ABI2: variants seen among roughly 807,000 people sequenced by gnomAD.
ABI2 encodes abl interactor 2.
Under a neutral mutation model 59.2 loss-of-function variants are expected in ABI2, and 25 were observed. The ratio of observed to expected loss-of-function variants is 0.42; its 90% CI spans 0.31 to 0.59. The LOEUF (loss-of-function observed/expected upper bound fraction) is 0.59. Among genes scored for constraint, ABI2 ranks in the 20% least tolerant of loss-of-function variants. The pLI is 0.14. For synonymous variants in ABI2, 213 were observed against 235.5 expected, an observed-to-expected ratio of 0.90 and a Z score of 0.87; for missense variants, 545 against 681.8, an observed-to-expected ratio of 0.80 and a Z score of 2.23.
At chr2:203,395,448 T>TAC (rs59156204) in intron 6 of ABI2, among the ~76,000 whole-genome samples, 10,818 of 115,270 alleles carry the variant, frequency 0.094, 814 homozygotes, top group East Asian at 0.43. Flanking sequence ...TATATATATA[T>TAC]ACACACACAC....
At chr2:203,422,165 G>T (rs961504863) in intron 11 of ABI2, among the ~76,000 whole-genome samples, 49 of 152,230 alleles carry the variant, frequency 3.2e-4, no homozygotes, top group African/African-American at 1.1e-3. Context: ...AGACATGGTG[G>T]TGCATGCCTG....
At chr2:203,340,606 C>T (rs1196527816) in intron 1 of ABI2, among the ~76,000 whole-genome samples, 1 of 152,116 alleles carries the variant, frequency 6.6e-6, no homozygotes, top group African/African-American at 2.4e-5. Context: ...CATCCACCCA[C>T]CTTGGCCTCC....
At position 203,381,376 on chromosome 2, in the gene ABI2, A is replaced by G. The variant is rs890617559; in HGVS notation, c.463-813A>G. ...GCTCCAACCTTGTACTCCTGGGCTCAGGTGATCTTCCCTTGTCAGCTTCCC... is the reference window on the plus strand; with the variant it reads ...GCTCCAACCTTGTACTCCTGGGCTCGGGTGATCTTCCCTTGTCAGCTTCCC... On this transcript the variant is annotated intron_variant, in intron 3 of 11. Coordinates refer to ENST00000261018, the MANE Select transcript of ABI2 (RefSeq NM_001375670.1). Among the ~76,000 whole-genome samples the G allele has an allele frequency of 7.2e-5, 11 of 152,174 alleles. 1 individual carries two copies. The highest frequency in any genetic ancestry group is 4.4e-5 in the Non-Finnish European group (3 of 68,028).
chr2:203,412,578 G>GT lies in ABI2; in HGVS notation c.1279+1211dup, dbSNP rs1204012274. 2.0e-5 allele frequency among the ~76,000 whole-genome samples: 3 copies of GT among 151,646 alleles called. No homozygotes were observed. In the East Asian group the frequency reaches 5.8e-4, roughly 29 times the overall value. ...TTACCACACCGTGACTTCATAAGAT[G>GT]TTTTGTTGAGTTTAAGAGCTATTTT... On this transcript the variant is annotated intron_variant, in intron 10 of 11. Coordinates refer to ENST00000261018, the MANE Select transcript of ABI2 (RefSeq NM_001375670.1).
At chr2:203,381,248 G>A (rs2096105828) in intron 3 of ABI2, among the ~76,000 whole-genome samples, 1 of 152,128 alleles carries the variant, frequency 6.6e-6, no homozygotes, top group Non-Finnish European at 1.5e-5. Context: ...TCAGGGTTTT[G>A]ATGCAAGCAC....
At chr2:203,338,979 T>TAA (rs1182721838) in intron 1 of ABI2, among the ~76,000 whole-genome samples, 12 of 11,612 alleles carry the variant, frequency 1.0e-3, no homozygotes, top group African/African-American at 2.9e-3. Context: ...TATATATATA[T>TAA]ATAAATATAT....
intron 2 of ABI2, chr2:203,375,947 A>G: frequency 1.3e-6 from 1 of 774,366 alleles, no homozygotes; most frequent in South Asian, 1.9e-5. Context: ...ACTGCAGTTC[A>G]ACCCCGTGTG....
At chr2:203,395,533 T>G (rs2096950320) in intron 6 of ABI2, 123 bp from the exon 7 acceptor site, 2 of 1,083,782 alleles carry the variant, frequency 1.8e-6, no homozygotes, top group Admixed American at 6.3e-5. Context: ...AATTTTATTT[T>G]GAAGTGGTAC....
In ABI2 at chr2:203,429,731, T is replaced by TG. The variant is rs1423950421; in HGVS notation, c.*2381dup. On this transcript the variant is annotated 3_prime_UTR_variant, in exon 12 of 12. Coordinates refer to ENST00000261018, the MANE Select transcript of ABI2 (RefSeq NM_001375670.1). Reference sequence around the variant, plus strand: ...GAGATTGTGCCACTGCACTCCAGCCTGGTGACAGAGCGAGACTCCATCAAA... The same window carrying TG: ...GAGATTGTGCCACTGCACTCCAGCCTGGGTGACAGAGCGAGACTCCATCAAA... 1 of 140,420 alleles carries TG rather than the reference T, an allele frequency of 7.1e-6. No individual in the cohort carries two copies. The highest frequency in any genetic ancestry group is 7.6e-5 in the Admixed American group (1 of 13,084). The allele number at this position is 140,420 out of a possible 1,614,324, so 8.7% of individuals were successfully genotyped here. A position where few individuals can be genotyped will look rare whatever the true frequency, so the allele number is the denominator to read the frequency against.
At chr2:203,421,290 G>C (rs2098194232) in intron 11 of ABI2, among the ~76,000 whole-genome samples, 2 of 152,268 alleles carry the variant, frequency 1.3e-5, no homozygotes, top group Non-Finnish European at 2.9e-5. Context: ...ACATAAATAA[G>C]CAGATACAAA....
chr2:203,348,045 A>T (rs187828384), intron 1 of ABI2, among the ~76,000 whole-genome samples: 11 of 151,904 alleles, frequency 7.2e-5, no homozygotes, highest in South Asian at 2.1e-4. Flanking sequence ...GTTCGAGACC[A>T]TCTTGGCCAA....
chr2:203,406,893 C>A (rs1233238009), intron 9 of ABI2, among the ~76,000 whole-genome samples: 4 of 152,016 alleles, frequency 2.6e-5, no homozygotes, highest in Non-Finnish European at 2.9e-5. Flanking sequence ...CGACTCCTGA[C>A]CTCAAGTGAT....
At chr2:203,339,823 C>T (rs1035311441) in intron 1 of ABI2, among the ~76,000 whole-genome samples, 2 of 152,112 alleles carry the variant, frequency 1.3e-5, no homozygotes, top group Non-Finnish European at 2.9e-5. Flanking sequence ...CACAGTTCTC[C>T]TTCAGTCTAC....
chr2:203,349,174 TCAAA>T (rs879442086), intron 1 of ABI2, among the ~76,000 whole-genome samples: 4 of 151,934 alleles, frequency 2.6e-5, no homozygotes, highest in Admixed American at 6.6e-5. Flanking sequence ...ACTCCTGAAC[TCAAA>T]CAGTCTGCCT....
intron 2 of ABI2, among the ~76,000 whole-genome samples, chr2:203,370,238 ATG>A (rs1320177919): frequency 1.8e-5 from 2 of 110,456 alleles, no homozygotes; most frequent in African/African-American, 3.5e-5. Context: ...TTCTGTGTGT[ATG>A]TGTGTGTGTG....
In ABI2 at chr2:203,395,683, C is replaced by T; in HGVS notation, c.753C>T (p.His251=). 1 of 1,611,996 alleles carries T rather than the reference C, an allele frequency of 6.2e-7. No homozygotes were observed. The highest frequency in any genetic ancestry group is 8.5e-7 in the Non-Finnish European group (1 of 1,179,160). ...YSSSGSSGGS[H]PSSRSSSREN... ...GCAGTGGGAGTAGTGGAGGGAGCCA[C>T]CCAAGTAGTCGGAGCAGCAGTCGAG... Residue 251 remains histidine (H), a synonymous_variant, in exon 7 of 12, where the codon CAC becomes CAT. Transcript: ENST00000261018.
At chr2:203,374,793 T>A (rs1157061414) in intron 2 of ABI2, 1 of 453,928 alleles carries the variant, frequency 2.2e-6, no homozygotes. Flanking sequence ...TTAGTTGGGT[T>A]AATCCACTGT....
intron 1 of ABI2, among the ~76,000 whole-genome samples, chr2:203,351,393 G>T (rs2088273473): frequency 6.6e-6 from 1 of 152,170 alleles, no homozygotes; most frequent in Non-Finnish European, 1.5e-5. Flanking sequence ...GATTTTGACA[G>T]TAATTATATT....
intron 4 of ABI2, among the ~76,000 whole-genome samples, chr2:203,383,522 A>G (rs549978127): frequency 4.7e-4 from 72 of 152,350 alleles, no homozygotes; most frequent in African/African-American, 1.7e-3. Flanking sequence ...AGAAACACAC[A>G]GATTCTTTAC....
Sources: allele counts gnomAD v4.1 joint callset (sites outside exome capture counted in the v4.1 genomes callset), GRCh38; gene constraint gnomAD v4.1.1; transcripts MANE v1.5; gene names NCBI Gene and HGNC (gene_info 2026-07-23, HGNC 2026-07-21).